WDR59: variants seen among roughly 807,000 people sequenced by gnomAD.
WDR59 encodes WD repeat domain 59.
A neutral mutation model predicts 131.2 loss-of-function variants in WDR59; 100 were observed. The ratio of observed to expected loss-of-function variants is 0.76; its 90% confidence interval spans 0.65 to 0.90. The LOEUF (loss-of-function observed/expected upper bound fraction) is 0.90. Among genes scored for constraint, WDR59 ranks in the 40% least tolerant of loss-of-function variants. WDR59 has a pLI of 0.00. For missense variants in WDR59, 1,203 were observed against 1,262.2 expected (o/e 0.95, Z 0.71); for synonymous variants, 601 against 466.2 (o/e 1.29, Z -3.72).
rs1361989040 is a variant in WDR59 at position 74,958,605 on chromosome 16, A to AAAAAAAAAC, written c.105-1996_105-1995insGTTTTTTTT. ...GAGACTCCATCTCAAAAAAAAAAAA[A>AAAAAAAAAC]AAAAAAAAAAAAAAACAAGCTAAAT... On this transcript the variant is annotated intron_variant, in intron 2 of 25. Transcript: ENST00000262144. Among the ~76,000 whole-genome samples the AAAAAAAAAC allele has an allele frequency of 4.2e-5, 6 of 142,026 alleles. No homozygotes were observed. In the East Asian group the frequency reaches 1.2e-3, roughly 29 times the overall value. 93.2% of individuals were successfully genotyped at this position (142,026 alleles called of 152,430 possible).
intron 8 of WDR59, among the ~76,000 whole-genome samples, chr16:74,925,767 G>A (rs1440386749): frequency 6.7e-6 from 1 of 149,366 alleles, no homozygotes; most frequent in African/African-American, 2.4e-5. Context: ...AGTGGCTCAT[G>A]CCTATAATCT....
At chr16:74,950,112 C>T (rs186174176) in intron 4 of WDR59, among the ~76,000 whole-genome samples, 14 of 152,248 alleles carry the variant, frequency 9.2e-5, no homozygotes, top group East Asian at 5.8e-4. Context: ...GAGGCTGAGG[C>T]GGGCAGATCA....
chr16:74,964,140 G>C (rs1159421993), intron 2 of WDR59, among the ~76,000 whole-genome samples: 2 of 152,128 alleles, frequency 1.3e-5, no homozygotes, highest in African/African-American at 4.8e-5. Flanking sequence ...CAGGACTTTG[G>C]GAGAATAAGC....
At chr16:74,984,383 G>T (rs1234122723) in intron 1 of WDR59, among the ~76,000 whole-genome samples, 1 of 152,204 alleles carries the variant, frequency 6.6e-6, no homozygotes. Flanking sequence ...AAACTGACGT[G>T]TACGGAGTGA....
intron 8 of WDR59, among the ~76,000 whole-genome samples, chr16:74,934,229 G>C (rs1178537142): frequency 6.6e-6 from 1 of 152,016 alleles, no homozygotes; most frequent in Non-Finnish European, 1.5e-5. Context: ...TTCAGCAACT[G>C]TTTACTTTTC....
intron 18 of WDR59, among the ~76,000 whole-genome samples, chr16:74,897,575 T>C (rs1567698124): frequency 6.6e-6 from 1 of 152,218 alleles, no homozygotes. Context: ...TCTAGGTCCT[T>C]CTGTTTGATC....
chr16:74,950,842 C>T (rs756279567), intron 4 of WDR59, among the ~76,000 whole-genome samples: 1 of 151,978 alleles, frequency 6.6e-6, no homozygotes, highest in East Asian at 1.9e-4. Context: ...TGCTGCATAA[C>T]CACTCCTCTC....
At chr16:74,900,685 G>C (rs983118784) in intron 18 of WDR59, among the ~76,000 whole-genome samples, 4 of 152,218 alleles carry the variant, frequency 2.6e-5, no homozygotes, top group Non-Finnish European at 5.9e-5. Flanking sequence ...TAGGAGCAAA[G>C]CTTGGCATTC....
intron 7 of WDR59, among the ~76,000 whole-genome samples, chr16:74,939,559 T>C (rs1448591292): frequency 6.6e-6 from 1 of 151,922 alleles, no homozygotes; most frequent in Non-Finnish European, 1.5e-5. Context: ...AAAAAAAGCA[T>C]AAGAACAGAA....
intron 14 of WDR59, among the ~76,000 whole-genome samples, chr16:74,910,675 C>T (rs1469130): frequency 0.49 from 75,076 of 152,096 alleles, 21,480 homozygotes; most frequent in Non-Finnish European, 0.63. Context: ...AGTATAAATC[C>T]TAACACTTTA....
intron 8 of WDR59, among the ~76,000 whole-genome samples, chr16:74,925,780 G>C (rs1222120913): frequency 6.6e-6 from 1 of 151,806 alleles, no homozygotes; most frequent in Non-Finnish European, 1.5e-5. Context: ...TATAATCTCA[G>C]TGCTTTGGGA....
chr16:74,916,543 A>T (rs1337180471), intron 11 of WDR59, among the ~76,000 whole-genome samples: 1 of 152,216 alleles, frequency 6.6e-6, no homozygotes, highest in Admixed American at 6.5e-5. Context: ...TGATGGAGTT[A>T]TTCAGCTAAT....
rs1438788824 is a variant in WDR59 at position 74,879,731 on chromosome 16, A to C, written c.2690-5287T>G. Among the ~76,000 whole-genome samples the C allele has an allele frequency of 2.0e-5, 3 of 152,238 alleles. 1 individual carries two copies. Among genetic ancestry groups the C allele is most frequent in the African/African-American group, 4.8e-5 (2 of 41,464 alleles). ...GAAAAAAAAACCAAAAAAGATCTTAATATAGATTATAAGATATCAAATCAC... is the reference window on the plus strand; with the variant it reads ...GAAAAAAAAACCAAAAAAGATCTTACTATAGATTATAAGATATCAAATCAC... On this transcript the variant is annotated intron_variant, in intron 25 of 25. Transcript: ENST00000262144.
chr16:74,919,034 C>G, intron 10 of WDR59, among the ~76,000 whole-genome samples: 1 of 152,242 alleles, frequency 6.6e-6, no homozygotes, highest in South Asian at 2.1e-4. Context: ...GCTTCTCTTC[C>G]TGCCCCTGAC....
At chr16:74,941,673 C>T (rs1283295806) in intron 7 of WDR59, among the ~76,000 whole-genome samples, 1 of 144,918 alleles carries the variant, frequency 6.9e-6, no homozygotes, top group Admixed American at 7.1e-5. Context: ...GCCTGGACGA[C>T]AGAATGAGAC....
chr16:74,943,487 A>C (rs2032388427), intron 6 of WDR59, among the ~76,000 whole-genome samples: 1 of 152,156 alleles, frequency 6.6e-6, no homozygotes, highest in African/African-American at 2.4e-5. Flanking sequence ...TGTCATTGAT[A>C]CATTAGTGAC....
chr16:74,938,871 C>T (rs2032007861), intron 7 of WDR59, among the ~76,000 whole-genome samples: 1 of 151,718 alleles, frequency 6.6e-6, no homozygotes, highest in Non-Finnish European at 1.5e-5. Flanking sequence ...ACAATTCCCA[C>T]TCGTCTCCCC....
At position 74,923,917 on chromosome 16, in the gene WDR59, C is replaced by T; in HGVS notation, c.729+9G>A. The T allele has an allele frequency of 1.2e-6, 2 of 1,612,686 alleles. No individual in the cohort carries two copies. Among genetic ancestry groups the T allele is most frequent in the Non-Finnish European group, 1.7e-6 (2 of 1,179,630 alleles). ...AGTTTCTTATCAAGAGGCAGGGTGGCTCACTCACTGTGTATCTGGCCTTCC... is the reference window on the plus strand; with the variant it reads ...AGTTTCTTATCAAGAGGCAGGGTGGTTCACTCACTGTGTATCTGGCCTTCC... On this transcript the variant is annotated intron_variant, in intron 9 of 25. Coordinates refer to ENST00000262144, the MANE Select transcript of WDR59 (RefSeq NM_030581.4).
At chr16:74,983,102 G>C (rs1317577476) in intron 1 of WDR59, among the ~76,000 whole-genome samples, 1 of 152,176 alleles carries the variant, frequency 6.6e-6, no homozygotes, top group African/African-American at 2.4e-5. Flanking sequence ...CAATATTTTG[G>C]GAGGCCAAAG....
Sources: allele counts gnomAD v4.1 joint callset (sites outside exome capture counted in the v4.1 genomes callset), GRCh38; gene constraint gnomAD v4.1.1; transcripts MANE v1.5; gene names NCBI Gene and HGNC (gene_info 2026-07-23, HGNC 2026-07-21).